ZNF804B: variants seen among roughly 807,000 people sequenced by gnomAD.
ZNF804B encodes the protein zinc finger protein 804B.
A neutral mutation model predicts 101.4 loss-of-function variants in ZNF804B; 80 were observed. The observed-to-expected ratio is 0.79, with a 90% CI of 0.66 to 0.95. The LOEUF (loss-of-function observed/expected upper bound fraction) is 0.95. Ranked by LOEUF, ZNF804B falls within the 40% of genes least tolerant of loss-of-function variation. The pLI, the probability that ZNF804B is intolerant of heterozygous loss-of-function variation, is 0.00. For synonymous variants in ZNF804B, 622 were observed against 558.8 expected, an observed-to-expected ratio of 1.11 and a Z score of -1.59; for missense variants, 1,673 against 1,561.9, an observed-to-expected ratio of 1.07 and a Z score of -1.20.
At chr7:89,037,686 T>G (rs1210039753) in intron 1 of ZNF804B, among the ~76,000 whole-genome samples, 1 of 152,052 alleles carries the variant, frequency 6.6e-6, no homozygotes, top group African/African-American at 2.4e-5. Context: ...CTACTCTCTT[T>G]GTAAATTTCA....
intron 1 of ZNF804B, among the ~76,000 whole-genome samples, chr7:88,885,110 G>A (rs1792106264): frequency 6.6e-6 from 1 of 151,908 alleles, no homozygotes. Flanking sequence ...TAGATTTCTA[G>A]TCACCTCATA....
intron 1 of ZNF804B, among the ~76,000 whole-genome samples, chr7:88,877,021 TA>T (rs1475697483): frequency 1.4e-5 from 1 of 73,958 alleles, no homozygotes; most frequent in Admixed American, 1.5e-4. Flanking sequence ...TATATATATA[TA>T]TATAATATAT....
At chr7:89,050,616 C>T (rs1789186870) in intron 1 of ZNF804B, among the ~76,000 whole-genome samples, 1 of 152,096 alleles carries the variant, frequency 6.6e-6, no homozygotes, top group South Asian at 2.1e-4. Flanking sequence ...CAAGAGAATA[C>T]AATTCTCATC....
intron 1 of ZNF804B, among the ~76,000 whole-genome samples, chr7:89,117,062 C>G (rs1790322736): frequency 6.6e-6 from 1 of 152,038 alleles, no homozygotes; most frequent in Admixed American, 6.6e-5. Flanking sequence ...AGATACGAAC[C>G]TTGAAAATTG....
intron 1 of ZNF804B, among the ~76,000 whole-genome samples, chr7:88,936,150 T>C (rs565193070): frequency 2.6e-5 from 4 of 151,890 alleles, no homozygotes; most frequent in African/African-American, 9.7e-5. Flanking sequence ...TAGAATACTA[T>C]TGCTGAAATG....
chr7:89,154,182 G>T (rs1790920086), intron 1 of ZNF804B, among the ~76,000 whole-genome samples: 1 of 152,108 alleles, frequency 6.6e-6, no homozygotes, highest in African/African-American at 2.4e-5. Flanking sequence ...ACTACAGTGA[G>T]ATATCATCTC....
intron 1 of ZNF804B, among the ~76,000 whole-genome samples, chr7:89,035,891 T>G (rs1027517142): frequency 2.1e-5 from 3 of 145,634 alleles, no homozygotes; most frequent in African/African-American, 7.5e-5. Context: ...TCATATACAT[T>G]ATATTATTAT....
chr7:88,864,025 T>G (rs759899432), intron 1 of ZNF804B, among the ~76,000 whole-genome samples: 1 of 152,226 alleles, frequency 6.6e-6, no homozygotes, highest in Non-Finnish European at 1.5e-5. Flanking sequence ...TCTTCTCTCC[T>G]GCTCTCTGCC....
Position 89,337,948 on chromosome 7 carries a change from T to C in ZNF804B, c.*916T>C, listed in dbSNP as rs1791129428. Among the ~76,000 whole-genome samples, 2 of 152,102 alleles carry C rather than the reference T, an allele frequency of 1.3e-5. No homozygotes were observed. The highest frequency in any genetic ancestry group is 4.1e-4 in the South Asian group (2 of 4,830). ...GTAAAGGTTTGAAAATGTCAGTGTT[T>C]TTACATGTTTATTGAGGATATCTTA... On this transcript the variant is annotated 3_prime_UTR_variant, in exon 4 of 4. Transcript: ENST00000333190.
At position 88,983,393 on chromosome 7, in the gene ZNF804B, A is replaced by G. The variant is rs559720927; in HGVS notation, c.108+223309A>G. ...GCCCTATCTTCAGAGTTTTCAATTCAGTACATCTAGGATGGACCCTGATAA... is the reference window on the plus strand; with the variant it reads ...GCCCTATCTTCAGAGTTTTCAATTCGGTACATCTAGGATGGACCCTGATAA... On this transcript the variant is annotated intron_variant, in intron 1 of 3. Transcript: ENST00000333190. 4.6e-5 allele frequency among the ~76,000 whole-genome samples: 7 copies of G among 152,194 alleles called. No homozygotes were observed. The East Asian group carries it at 1.2e-3, about 25-fold the overall frequency.
intron 3 of ZNF804B, among the ~76,000 whole-genome samples, chr7:89,332,626 C>T (rs937521027): frequency 1.3e-5 from 2 of 151,678 alleles, no homozygotes; most frequent in Non-Finnish European, 2.9e-5. Context: ...TTTCAATCTT[C>T]TGTATGAATT....
At chr7:89,007,715 T>G (rs1182198371) in intron 1 of ZNF804B, among the ~76,000 whole-genome samples, 2 of 149,674 alleles carry the variant, frequency 1.3e-5, no homozygotes, top group Non-Finnish European at 3.0e-5. Flanking sequence ...GTTGACAGCA[T>G]GGAACAAAAG....
rs367946074 is a variant in ZNF804B at position 88,849,097 on chromosome 7, A to G, written c.108+89013A>G. On this transcript the variant is annotated intron_variant, in intron 1 of 3. Transcript: ENST00000333190. ...ACTGCTCCCCATAAAATATTCCTTT[A>G]TATACATGAAACGTGCTATTACGTT... Among the ~76,000 whole-genome samples the G allele has an allele frequency of 2.0e-4, 30 of 152,250 alleles. No homozygotes were observed. In the East Asian group the frequency reaches 2.5e-3, roughly 13 times the overall value.
intron 2 of ZNF804B, among the ~76,000 whole-genome samples, chr7:89,313,231 G>A (rs1457043084): frequency 6.6e-6 from 1 of 151,954 alleles, no homozygotes; most frequent in African/African-American, 2.4e-5. Context: ...AACCTTCTAT[G>A]TGTTTGTTTC....
chr7:89,140,508 A>G (rs1790701407), intron 1 of ZNF804B, among the ~76,000 whole-genome samples: 1 of 152,020 alleles, frequency 6.6e-6, no homozygotes, highest in Non-Finnish European at 1.5e-5. Flanking sequence ...GTAGTCTATC[A>G]ATGATCTTAA....
chr7:88,860,995 G>T (rs1791636374), intron 1 of ZNF804B, among the ~76,000 whole-genome samples: 1 of 152,118 alleles, frequency 6.6e-6, no homozygotes, highest in Non-Finnish European at 1.5e-5. Flanking sequence ...AATCACACTA[G>T]TCAATTATGC....
chr7:89,033,072 T>C (rs1455059693), intron 1 of ZNF804B, among the ~76,000 whole-genome samples: 3 of 151,408 alleles, frequency 2.0e-5, no homozygotes, highest in Non-Finnish European at 4.4e-5. Context: ...TCCTGTCTAA[T>C]TGAGGCTTTG....
At chr7:88,945,214 G>A (rs1793110103) in intron 1 of ZNF804B, among the ~76,000 whole-genome samples, 1 of 151,894 alleles carries the variant, frequency 6.6e-6, no homozygotes, top group African/African-American at 2.4e-5. Context: ...GGGTTTTTAT[G>A]GCTTTAGGTA....
At chr7:88,967,401 T>C (rs1276239576) in intron 1 of ZNF804B, among the ~76,000 whole-genome samples, 1 of 151,554 alleles carries the variant, frequency 6.6e-6, no homozygotes, top group Non-Finnish European at 1.5e-5. Context: ...TCCACCCCCA[T>C]GATCCAATCA....
Sources: gnomAD v4.1 joint callset for allele counts (sites outside exome capture counted in the v4.1 genomes callset) on GRCh38, gnomAD v4.1.1 for gene constraint, MANE v1.5 for transcripts, NCBI Gene and HGNC (gene_info 2026-07-23, HGNC 2026-07-21) for gene names.